SLC14A2: variants seen among roughly 807,000 people sequenced by gnomAD.
SLC14A2 encodes urea transporter 2.
SLC14A2 carries 91 observed loss-of-function variants against 104.6 expected under a neutral mutation model. The ratio of observed to expected loss-of-function variants is 0.87; its 90% CI spans 0.73 to 1.04. The LOEUF (loss-of-function observed/expected upper bound fraction) is 1.04, where lower values mean the gene tolerates loss of function less well. Ranked by LOEUF, SLC14A2 falls within the 50% of genes least tolerant of loss-of-function variation. The pLI, the probability that SLC14A2 is intolerant of heterozygous loss-of-function variation, is 0.00. For synonymous variants in SLC14A2, 476 were observed against 466.4 expected (o/e 1.02, Z -0.27); for missense variants, 1,189 against 1,156.0 (o/e 1.03, Z -0.41).
At chr18:45,521,245 G>A (rs1375824939) in intron 2 of SLC14A2, among the ~76,000 whole-genome samples, 3 of 152,214 alleles carry the variant, frequency 2.0e-5, no homozygotes, top group Non-Finnish European at 4.4e-5. Flanking sequence ...CTTACTGATG[G>A]AGAGTTGTGC....
intron 1 of SLC14A2, among the ~76,000 whole-genome samples, chr18:45,372,573 C>T (rs748832212): frequency 2.0e-5 from 3 of 152,092 alleles, no homozygotes; most frequent in Non-Finnish European, 1.5e-5. Context: ...CTGGTAGAGG[C>T]GAAGTCTTCT....
intron 1 of SLC14A2, among the ~76,000 whole-genome samples, chr18:45,307,744 T>G (rs1288516219): frequency 1.3e-5 from 2 of 152,212 alleles, no homozygotes; most frequent in African/African-American, 4.8e-5. Flanking sequence ...GTTGAAAACT[T>G]GTAACACTAG....
At chr18:45,593,844 T>C (rs2044687148) in intron 2 of SLC14A2, among the ~76,000 whole-genome samples, 1 of 152,230 alleles carries the variant, frequency 6.6e-6, no homozygotes, top group Non-Finnish European at 1.5e-5. Flanking sequence ...AAAACTATGC[T>C]ATTTGTATTG....
intron 1 of SLC14A2, among the ~76,000 whole-genome samples, chr18:45,283,398 C>A (rs1254639209): frequency 7.4e-6 from 1 of 135,984 alleles, no homozygotes; most frequent in African/African-American, 3.2e-5. Context: ...TTAATACCCG[C>A]TCTAAGGAAA....
intron 1 of SLC14A2, among the ~76,000 whole-genome samples, chr18:45,338,447 C>T (rs1051404707): frequency 1.3e-4 from 20 of 152,138 alleles, no homozygotes; most frequent in African/African-American, 3.6e-4. Flanking sequence ...ATGATCCGCC[C>T]GCCTCTGCCT....
chr18:45,207,783 T>C, the SLC14A2 span, among the ~76,000 whole-genome samples: 1 of 151,710 alleles, frequency 6.6e-6, no homozygotes, highest in African/African-American at 2.4e-5. Context: ...GAAATACTTC[T>C]AGTATTGCAT....
At chr18:45,606,391 A>G (rs1181753304) in intron 2 of SLC14A2, among the ~76,000 whole-genome samples, 2 of 152,134 alleles carry the variant, frequency 1.3e-5, no homozygotes, top group African/African-American at 4.8e-5. Flanking sequence ...AATTTGGGGC[A>G]GGGTTGCGGG....
At chr18:45,674,290 G>A (rs889697753) in intron 18 of SLC14A2, among the ~76,000 whole-genome samples, 1 of 152,084 alleles carries the variant, frequency 6.6e-6, no homozygotes, top group Non-Finnish European at 1.5e-5. Context: ...AACTCCTTTT[G>A]AGCAGAACAT....
At chr18:45,277,847 T>A (rs1182016778) in intron 1 of SLC14A2, among the ~76,000 whole-genome samples, 1 of 152,242 alleles carries the variant, frequency 6.6e-6, no homozygotes, top group Non-Finnish European at 1.5e-5. Flanking sequence ...GTACTTTATT[T>A]TCTGTTCTAA....
chr18:45,426,700 C>CACAT (rs2086437176), intron 1 of SLC14A2, among the ~76,000 whole-genome samples: 1 of 37,906 alleles, frequency 2.6e-5, no homozygotes, highest in Non-Finnish European at 9.5e-5. Context: ...TACATACATA[C>CACAT]ACACACACAC....
the SLC14A2 span, among the ~76,000 whole-genome samples, chr18:45,204,586 C>T: frequency 6.6e-6 from 1 of 152,076 alleles, no homozygotes; most frequent in East Asian, 1.9e-4. Flanking sequence ...AAGAGTAATG[C>T]ATGTATTGTA....
chr18:45,615,873 C>T (rs958172211), intron 1 of SLC14A2, among the ~76,000 whole-genome samples: 1 of 150,592 alleles, frequency 6.6e-6, no homozygotes, highest in African/African-American at 2.4e-5. Flanking sequence ...GAGAGAGAGA[C>T]TACTACATTG....
At chr18:45,544,757 G>C (rs1378451603) in intron 2 of SLC14A2, among the ~76,000 whole-genome samples, 2 of 139,890 alleles carry the variant, frequency 1.4e-5, no homozygotes, top group Admixed American at 1.4e-4. Context: ...ATGTATTCAT[G>C]TGATTATATA....
chr18:45,392,212 C>T (rs938266437), intron 1 of SLC14A2, among the ~76,000 whole-genome samples: 4 of 152,194 alleles, frequency 2.6e-5, no homozygotes, highest in South Asian at 2.1e-4. Flanking sequence ...CTGTGGCCCC[C>T]CAGAGAACCT....
intron 1 of SLC14A2, among the ~76,000 whole-genome samples, chr18:45,277,235 T>C (rs973820166): frequency 2.6e-5 from 4 of 152,206 alleles, no homozygotes; most frequent in Admixed American, 2.0e-4. Context: ...AACCATATTT[T>C]ATGAATTTAA....
exon 2 of SLC14A2, chr18:45,483,307 T>C (rs1475946359): frequency 6.6e-6 from 1 of 152,208 alleles, no homozygotes; most frequent in African/African-American, 2.4e-5. Context: ...CTGACAACAC[T>C]GTGACCAAGG....
chr18:45,548,253 C>G (rs2044003785), intron 2 of SLC14A2, among the ~76,000 whole-genome samples: 1 of 152,164 alleles, frequency 6.6e-6, no homozygotes, highest in Admixed American at 6.5e-5. Context: ...GGAGTGAGGG[C>G]CTGAGGCTAC....
At chr18:45,621,732 C>A (rs1260258351) in intron 1 of SLC14A2, among the ~76,000 whole-genome samples, 8 of 152,172 alleles carry the variant, frequency 5.3e-5, no homozygotes, top group Admixed American at 4.6e-4. Context: ...AAGATAGAAA[C>A]CATACAAATA....
At chr18:45,338,444 G>A (rs935181643) in intron 1 of SLC14A2, among the ~76,000 whole-genome samples, 12 of 151,714 alleles carry the variant, frequency 7.9e-5, no homozygotes, top group East Asian at 1.9e-4. Flanking sequence ...TTCATGATCC[G>A]CCCGCCTCTG....
Sources: allele counts gnomAD v4.1 joint callset (sites outside exome capture counted in the v4.1 genomes callset), GRCh38; gene constraint gnomAD v4.1.1; transcripts MANE v1.5; gene names NCBI Gene and HGNC (gene_info 2026-07-23, HGNC 2026-07-21).